Variants in MMRN1 observed in about 807,000 individuals in gnomAD.
MMRN1 encodes multimerin 1.
In MMRN1, 94 loss-of-function variants were observed where a neutral mutation model predicts 100.7. The ratio of observed to expected loss-of-function variants is 0.93; its 90% CI spans 0.79 to 1.11. The LOEUF (loss-of-function observed/expected upper bound fraction) is 1.11. Among genes scored for constraint, MMRN1 ranks in the 50% least tolerant of loss-of-function variants. The pLI is 0.00. For synonymous variants in MMRN1, 575 were observed against 505.0 expected (o/e 1.14, Z -1.86); for missense variants, 1,606 against 1,439.1 (o/e 1.12, Z -1.88).
chr4:89,944,222 CTAAT>C (rs1240818739), intron 6 of MMRN1, among the ~76,000 whole-genome samples: 5 of 152,096 alleles, frequency 3.3e-5, no homozygotes, highest in African/African-American at 1.2e-4. Context: ...TAGTGCCACA[CTAAT>C]TAATTTTTGT....
chr4:89,918,546 CTT>C (rs1297013108), intron 3 of MMRN1, among the ~76,000 whole-genome samples: 2 of 151,820 alleles, frequency 1.3e-5, no homozygotes, highest in Non-Finnish European at 2.9e-5. Flanking sequence ...CTCTTTCCAT[CTT>C]TCTCTCTCCC....
Position 89,954,413 on chromosome 4 carries a change from C to T in MMRN1, c.*995C>T, listed in dbSNP as rs1393300453. The T allele has an allele frequency of 6.6e-6, 1 of 152,092 alleles. No individual in the cohort carries two copies. The highest frequency in any genetic ancestry group is 1.5e-5 in the Non-Finnish European group (1 of 68,014). 9.4% of individuals were successfully genotyped at this position (152,092 alleles called of 1,614,324 possible). A position where few individuals can be genotyped will look rare whatever the true frequency, so the allele number is the denominator to read the frequency against. The stretch of plus-strand genomic sequence containing the variant: ...CCATGTCTTCTCCAGAGCCCACATC[C>T]ATCCTTTCTCTATATTGCCTCCCAC... On this transcript the variant is annotated 3_prime_UTR_variant, in exon 8 of 8. Transcript: ENST00000264790.
chr4:89,893,609 G>T (rs1392975804), upstream of MMRN1, among the ~76,000 whole-genome samples: 2 of 152,118 alleles, frequency 1.3e-5, no homozygotes, highest in African/African-American at 4.8e-5. Flanking sequence ...AGAGCATAAT[G>T]CCTGGCACAG....
At chr4:89,885,018 C>A (rs1208826062) in intron 1 of MMRN1, among the ~76,000 whole-genome samples, 1 of 151,960 alleles carries the variant, frequency 6.6e-6, no homozygotes, top group Non-Finnish European at 1.5e-5. Context: ...TTTGTAGATG[C>A]CTTCTATTAC....
chr4:89,914,477 T>A (rs927191416), intron 3 of MMRN1, among the ~76,000 whole-genome samples: 4 of 151,440 alleles, frequency 2.6e-5, no homozygotes, highest in Non-Finnish European at 5.9e-5. Context: ...ATAAAAATAT[T>A]CATCATATTA....
At chr4:89,932,448 T>C (rs1722470952) in intron 5 of MMRN1, among the ~76,000 whole-genome samples, 1 of 152,198 alleles carries the variant, frequency 6.6e-6, no homozygotes, top group Non-Finnish European at 1.5e-5. Context: ...CACTAGGCAG[T>C]GCCCAAGTGG....
chr4:89,936,315 T>C lies in MMRN1; in HGVS notation c.2635T>C (p.Ser879Pro). The C allele has an allele frequency of 6.2e-7, 1 of 1,612,618 alleles. No homozygotes were observed. Among genetic ancestry groups the C allele is most frequent in the Non-Finnish European group, 8.5e-7 (1 of 1,179,468 alleles). ...CCAGACGCTCATACCTTATTATATT[T>C]CAGTTAAAAAAGGCAGTGTAGTTAC... ...VTQTLIPYYISVKKGSVVTNE... is the reference protein window; with the variant it reads ...VTQTLIPYYIPVKKGSVVTNE... Residue 879 changes from serine (S) to proline (P), a missense_variant, in exon 6 of 8, where the codon TCA (serine) becomes CCA (proline). Physicochemically the swap from Ser to Pro is moderately conservative, Grantham distance 74 (BLOSUM62 -1). Coordinates refer to ENST00000264790, the MANE Select transcript of MMRN1 (RefSeq NM_007351.3).
intron 4 of MMRN1, among the ~76,000 whole-genome samples, chr4:89,926,718 T>C (rs542086429): frequency 6.6e-6 from 1 of 152,182 alleles, no homozygotes; most frequent in South Asian, 2.1e-4. Flanking sequence ...CCAAATGTCC[T>C]AGATACTTTC....
rs750319971 is a variant in MMRN1, at chr4:89,936,320, T to TA, written c.2646dup (p.Gly883ArgfsTer7). ...CGCTCATACCTTATTATATTTCAGT[T>TA]AAAAAAGGCAGTGTAGTTACAAATG... On this transcript the variant is annotated frameshift_variant, in exon 6 of 8. Transcript: ENST00000264790. LOFTEE classifies it high-confidence loss of function. 7 of 1,612,624 alleles carry TA rather than the reference T, an allele frequency of 4.3e-6. No homozygotes were observed. The highest frequency in any genetic ancestry group is 2.2e-5 in the East Asian group (1 of 44,762).
chr4:89,920,678 G>A (rs532412506), intron 3 of MMRN1, among the ~76,000 whole-genome samples: 20 of 152,004 alleles, frequency 1.3e-4, no homozygotes, highest in African/African-American at 4.6e-4. Context: ...TGCAATTTTA[G>A]TATTAATATA....
At chr4:89,916,144 A>T (rs1325737068) in intron 3 of MMRN1, among the ~76,000 whole-genome samples, 2 of 149,846 alleles carry the variant, frequency 1.3e-5, no homozygotes, top group African/African-American at 5.0e-5. Flanking sequence ...GATGAATGCA[A>T]GTACTGAACT....
intron 6 of MMRN1, among the ~76,000 whole-genome samples, chr4:89,942,020 C>T (rs565762612): frequency 6.6e-6 from 1 of 152,082 alleles, no homozygotes; most frequent in African/African-American, 2.4e-5. Context: ...GTCACCTTGT[C>T]CTCAATAAAG....
At chr4:89,924,854 T>A (rs1008811934) in intron 4 of MMRN1, among the ~76,000 whole-genome samples, 2 of 151,944 alleles carry the variant, frequency 1.3e-5, no homozygotes, top group South Asian at 2.1e-4. Flanking sequence ...AATAAAAAAT[T>A]AAAAATTAAG....
chr4:89,938,526 A>ATG (rs1722726828), intron 6 of MMRN1, among the ~76,000 whole-genome samples: 1 of 143,576 alleles, frequency 7.0e-6, no homozygotes, highest in African/African-American at 2.5e-5. Context: ...AAATATATAT[A>ATG]TGCTATTTTC....
intron 6 of MMRN1, among the ~76,000 whole-genome samples, chr4:89,937,705 T>TA (rs1030924428): frequency 2.6e-5 from 4 of 152,126 alleles, no homozygotes; most frequent in South Asian, 2.1e-4. Context: ...TGCTTCACTG[T>TA]AAAAAAATCC....
chr4:89,948,582 CT>C (rs1051021497), intron 6 of MMRN1, among the ~76,000 whole-genome samples: 7 of 152,108 alleles, frequency 4.6e-5, no homozygotes, highest in Admixed American at 4.6e-4. Flanking sequence ...ATACTTAATG[CT>C]TGTGTTATCT....
At position 89,895,183 on chromosome 4, in the gene MMRN1, C is replaced by A; in HGVS notation, c.212C>A (p.Ala71Glu). The change falls in exon 1 of 8, where the codon GCA becomes GAA. Residue 71 changes from alanine (A) to glutamate (E), a missense_variant. Transcript: ENST00000264790. The stretch of plus-strand genomic sequence containing the variant: ...GCGGAGATAGCTACAACTCCAGAGG[C>A]AAGAACTTCTGAAGACAGTCTTCTT... ...MSAEIATTPE[A>E]RTSEDSLLKS... 6.2e-7 allele frequency: 1 copy of A among 1,613,874 alleles called. No individual in the cohort carries two copies. Among genetic ancestry groups the A allele is most frequent in the Non-Finnish European group, 8.5e-7 (1 of 1,179,908 alleles).
At chr4:89,948,102 T>A (rs763705568) in intron 6 of MMRN1, among the ~76,000 whole-genome samples, 10 of 152,198 alleles carry the variant, frequency 6.6e-5, no homozygotes, top group Admixed American at 2.0e-4. Flanking sequence ...TCTGCCCGCC[T>A]CAGCCTCCCA....
At chr4:89,948,923 A>G (rs1723073803) in intron 6 of MMRN1, among the ~76,000 whole-genome samples, 1 of 152,170 alleles carries the variant, frequency 6.6e-6, no homozygotes, top group African/African-American at 2.4e-5. Flanking sequence ...GGCTACTGTA[A>G]CAGTAGTAGT....
Sources: allele counts gnomAD v4.1 joint callset (sites outside exome capture counted in the v4.1 genomes callset), GRCh38; gene constraint gnomAD v4.1.1; transcripts MANE v1.5; gene names NCBI Gene and HGNC (gene_info 2026-07-23, HGNC 2026-07-21).